The following AUTS2 variants were observed in gnomAD, a reference collection of about 807,000 sequenced individuals.
The protein encoded by AUTS2 is autism susceptibility gene 2 protein.
AUTS2 carries 17 observed loss-of-function variants against 112.4 expected under a neutral mutation model. The ratio of observed to expected loss-of-function variants is 0.15; its 90% CI spans 0.10 to 0.23. AUTS2 has a LOEUF of 0.23. Ranked by LOEUF, AUTS2 falls within the 10% of genes least tolerant of loss-of-function variation. The pLI, the probability that AUTS2 is intolerant of heterozygous loss-of-function variation, is 1.00. For missense variants in AUTS2, 1,510 were observed against 1,701.6 expected (o/e 0.89, Z 1.98); for synonymous variants, 751 against 702.7 (o/e 1.07, Z -1.09).
chr7:70,756,797 T>C (rs1291463853), intron 6 of AUTS2, among the ~76,000 whole-genome samples: 1 of 152,200 alleles, frequency 6.6e-6, no homozygotes, highest in Non-Finnish European at 1.5e-5. Context: ...TATAACAAAG[T>C]ACAGTCCCTG....
chr7:70,588,592 C>A (rs559205049), intron 5 of AUTS2, among the ~76,000 whole-genome samples: 8 of 152,086 alleles, frequency 5.3e-5, no homozygotes, highest in African/African-American at 1.9e-4. Flanking sequence ...AGAACAATGG[C>A]GGAAGAGGCA....
chr7:70,777,740 T>G (rs879758509), intron 14 of AUTS2, among the ~76,000 whole-genome samples: 2 of 152,256 alleles, frequency 1.3e-5, no homozygotes, highest in African/African-American at 4.8e-5. Flanking sequence ...TTTGTCATTT[T>G]ATTGATCCAA....
chr7:70,750,431 C>T (rs920554001), intron 6 of AUTS2, among the ~76,000 whole-genome samples: 3 of 150,128 alleles, frequency 2.0e-5, no homozygotes, highest in Non-Finnish European at 4.4e-5. Flanking sequence ...CTCAGGTGTT[C>T]CTCCCACCTC....
chr7:70,471,711 G>A (rs557317680), intron 5 of AUTS2, among the ~76,000 whole-genome samples: 1 of 152,196 alleles, frequency 6.6e-6, no homozygotes, highest in Admixed American at 6.5e-5. Context: ...AAAATAGCAG[G>A]GAGGGAAATA....
intron 4 of AUTS2, among the ~76,000 whole-genome samples, chr7:70,411,949 C>T (rs1260228205): frequency 7.4e-6 from 1 of 135,330 alleles, no homozygotes; most frequent in Non-Finnish European, 1.5e-5. Context: ...GACAGTCTTG[C>T]TCTGTGAGCG....
At chr7:70,787,576 G>C (rs1791592308) in intron 18 of AUTS2, 145 bp downstream of exon 18, 2 of 620,290 alleles carry the variant, frequency 3.2e-6, no homozygotes, top group Non-Finnish European at 5.8e-6. Flanking sequence ...GCCAGTGCCC[G>C]CAGCCCCTCG....
In AUTS2 at chr7:70,681,166, A is replaced by G. The variant is rs544672083; in HGVS notation, c.691-17403A>G. ...CACTTGGCCAGCACAGGCCCATCCC[A>G]TCTCTCACCCGAGTGGCGGATGTTA... On this transcript the variant is annotated intron_variant, in intron 5 of 18. Coordinates refer to ENST00000342771, the MANE Select transcript of AUTS2 (RefSeq NM_015570.4). Among the ~76,000 whole-genome samples, 79 of 152,306 alleles carry G rather than the reference A, an allele frequency of 5.2e-4. 1 individual carries two copies. The South Asian group carries it at 0.011, about 21-fold the overall frequency.
chr7:69,892,063 T>C (rs1794549497), intron 1 of AUTS2, among the ~76,000 whole-genome samples: 1 of 152,010 alleles, frequency 6.6e-6, no homozygotes, highest in Non-Finnish European at 1.5e-5. Flanking sequence ...AGTGCTGGGA[T>C]TACAGGCATG....
At chr7:70,358,961 C>G (rs1792132551) in intron 4 of AUTS2, among the ~76,000 whole-genome samples, 1 of 152,200 alleles carries the variant, frequency 6.6e-6, no homozygotes, top group Non-Finnish European at 1.5e-5. Context: ...TCTTTAGATT[C>G]AATACTGGAA....
chr7:70,003,287 ATT>A (rs1441388241), intron 2 of AUTS2, among the ~76,000 whole-genome samples: 1 of 131,040 alleles, frequency 7.6e-6, no homozygotes, highest in Non-Finnish European at 1.6e-5. Context: ...GAATATATAT[ATT>A]ATATATGAAT....
chr7:70,264,131 GACAA>G (rs1335878712), intron 4 of AUTS2, among the ~76,000 whole-genome samples: 3 of 152,108 alleles, frequency 2.0e-5, no homozygotes, highest in Non-Finnish European at 4.4e-5. Context: ...AAAATGTTGT[GACAA>G]ACAATTCTTC....
chr7:69,884,521 C>G (rs1227483499), intron 1 of AUTS2, among the ~76,000 whole-genome samples: 2 of 152,182 alleles, frequency 1.3e-5, no homozygotes, highest in East Asian at 3.9e-4. Context: ...CTCTATTGAT[C>G]TTTTCTGAAT....
intron 2 of AUTS2, among the ~76,000 whole-genome samples, chr7:69,996,827 A>G (rs942382181): frequency 1.3e-4 from 20 of 151,840 alleles, no homozygotes; most frequent in Admixed American, 7.9e-4. Context: ...CATAAACTGT[A>G]TGTTTACATG....
At chr7:70,520,239 T>TAC (rs1799586922) in intron 5 of AUTS2, among the ~76,000 whole-genome samples, 1 of 152,116 alleles carries the variant, frequency 6.6e-6, no homozygotes, top group African/African-American at 2.4e-5. Flanking sequence ...CACACATGCA[T>TAC]ACACACACAC....
chr7:69,901,788 A>G (rs1028633088), intron 2 of AUTS2, among the ~76,000 whole-genome samples: 1 of 152,194 alleles, frequency 6.6e-6, no homozygotes, highest in African/African-American at 2.4e-5. Context: ...TAATTGAGAT[A>G]AGGCCATAAT....
chr7:70,198,525 C>T (rs1364392526), intron 4 of AUTS2, among the ~76,000 whole-genome samples: 16 of 137,202 alleles, frequency 1.2e-4, no homozygotes, highest in African/African-American at 3.6e-4. Flanking sequence ...AACCAAGGCT[C>T]GAGAACTAAG....
intron 1 of AUTS2, among the ~76,000 whole-genome samples, chr7:69,800,722 C>G (rs1790045501): frequency 6.6e-6 from 1 of 152,162 alleles, no homozygotes; most frequent in Non-Finnish European, 1.5e-5. Flanking sequence ...TTGACAAGTA[C>G]TATGAGTCAG....
At chr7:70,513,630 C>T (rs537365441) in intron 5 of AUTS2, among the ~76,000 whole-genome samples, 4 of 151,918 alleles carry the variant, frequency 2.6e-5, no homozygotes, top group South Asian at 2.1e-4. Context: ...TAAGAGGAAG[C>T]ACTTTTGCCA....
In AUTS2 at chr7:70,746,290, T is replaced by C. The variant is rs180941207; in HGVS notation, c.743-16580T>C. On this transcript the variant is annotated intron_variant, in intron 6 of 18. Transcript: ENST00000342771. ...CCTCCTGAGTAGCTGGGATTACAGG[T>C]GGCTGCCACCAGGCTGGGCTGATTT... is the stretch of plus-strand genomic sequence containing the variant. Among the ~76,000 whole-genome samples, 346 of 152,144 alleles carry C rather than the reference T, an allele frequency of 2.3e-3. 1 individual carries two copies. The highest frequency in any genetic ancestry group is 7.6e-3 in the African/African-American group (315 of 41,512).
Sources: gnomAD v4.1 joint callset for allele counts (sites outside exome capture counted in the v4.1 genomes callset) on GRCh38, gnomAD v4.1.1 for gene constraint, MANE v1.5 for transcripts, NCBI Gene and HGNC (gene_info 2026-07-23, HGNC 2026-07-21) for gene names.